DOP1A: variants seen among roughly 807,000 people sequenced by gnomAD.
DOP1A encodes the protein DOP1 leucine zipper like protein A.
DOP1A carries 90 observed loss-of-function variants against 267.6 expected under a neutral mutation model. That is an observed-to-expected ratio of 0.34 (90% CI 0.28 to 0.40). The LOEUF (loss-of-function observed/expected upper bound fraction) is 0.40. Ranked by LOEUF, DOP1A falls within the 10% of genes least tolerant of loss-of-function variation. The probability of loss-of-function intolerance (pLI) is 1.00; values close to 1 mark genes in which losing one functional copy is unlikely to be tolerated. For missense variants in DOP1A, 2,437 were observed against 2,900.4 expected (o/e 0.84, Z 3.67); for synonymous variants, 932 against 999.1 (o/e 0.93, Z 1.27).
At chr6:83,148,035 T>C (rs779160003) in intron 26 of DOP1A, among the ~76,000 whole-genome samples, 1 of 152,154 alleles carries the variant, frequency 6.6e-6, no homozygotes, top group Non-Finnish European at 1.5e-5. Context: ...GTGGTATCAG[T>C]AGTTAAACTG....
chr6:83,130,468 T>G, intron 17 of DOP1A, 71 bp downstream of exon 17: 1 of 1,519,586 alleles, frequency 6.6e-7, no homozygotes, highest in Non-Finnish European at 8.8e-7. Context: ...TAGTTTGCTT[T>G]AAGAATTATT....
At chr6:83,165,902 C>G (rs1403272452) in intron 38 of DOP1A, 2 of 405,918 alleles carry the variant, frequency 4.9e-6, no homozygotes, top group East Asian at 1.5e-4. Flanking sequence ...AATGGTTTCA[C>G]CTGGATTCAG....
At chr6:83,101,820 A>G (rs1772636319) in intron 4 of DOP1A, among the ~76,000 whole-genome samples, 1 of 152,262 alleles carries the variant, frequency 6.6e-6, no homozygotes, top group Admixed American at 6.5e-5. Flanking sequence ...CAATTACTGT[A>G]GATAAACAAA....
At chr6:83,166,543 G>T (rs1415289451) in intron 38 of DOP1A, 14 of 636,948 alleles carry the variant, frequency 2.2e-5, no homozygotes, top group Non-Finnish European at 3.1e-5. Flanking sequence ...AATATAAACA[G>T]CAATAAGTCA....
chr6:83,155,761 A>G (rs1782664095), intron 33 of DOP1A, among the ~76,000 whole-genome samples, 190 bp from the exon 34 acceptor site: 1 of 152,204 alleles, frequency 6.6e-6, no homozygotes, highest in Non-Finnish European at 1.5e-5. Flanking sequence ...AATTCCTACC[A>G]TTTTGGTCCT....
chr6:83,072,232 G>A (rs928614505), intron 1 of DOP1A, among the ~76,000 whole-genome samples: 9 of 151,922 alleles, frequency 5.9e-5, no homozygotes, highest in African/African-American at 2.2e-4. Context: ...CATATTATGA[G>A]CCTAACATTT....
At chr6:83,079,956 T>C (rs1350128929) in intron 1 of DOP1A, among the ~76,000 whole-genome samples, 2 of 152,178 alleles carry the variant, frequency 1.3e-5, no homozygotes, top group South Asian at 2.1e-4. Flanking sequence ...TTTTTATCAT[T>C]ATTCTCATGT....
At chr6:83,101,122 T>C (rs1446723807) in intron 4 of DOP1A, among the ~76,000 whole-genome samples, 1 of 152,066 alleles carries the variant, frequency 6.6e-6, no homozygotes, top group Non-Finnish European at 1.5e-5. Context: ...TTCACGCCAT[T>C]CTCCTGCCTC....
At chr6:83,170,095 A>C (rs1313690877), downstream of DOP1A, among the ~76,000 whole-genome samples, 1 of 152,224 alleles carries the variant, frequency 6.6e-6, no homozygotes, top group African/African-American at 2.4e-5. Flanking sequence ...TAAGTCAAAA[A>C]TATTTGGGGA....
intron 29 of DOP1A, 77 bp downstream of exon 29, chr6:83,152,104 A>G (rs756024937): frequency 1.3e-5 from 20 of 1,527,836 alleles, no homozygotes; most frequent in East Asian, 2.3e-5. Context: ...GCCTAGCACT[A>G]TAAGTACCAC....
rs377068226 is a variant in DOP1A at position 83,093,820 on chromosome 6, C to T, written c.-146-2911C>T. On this transcript the variant is annotated intron_variant, in intron 1 of 38. Coordinates refer to ENST00000349129, the MANE Select transcript of DOP1A (RefSeq NM_015018.4). The stretch of plus-strand genomic sequence containing the variant: ...GCTCGGGAGGCTGAAGCAGGAGAAT[C>T]GCTTGAGCCCAGGAGGCGGAGATTG... Among the ~76,000 whole-genome samples the T allele has an allele frequency of 8.5e-3, 1,298 of 152,282 alleles. 19 individuals are homozygous for T. Among genetic ancestry groups the T allele is most frequent in the African/African-American group, 0.03 (1,243 of 41,564 alleles).
intron 4 of DOP1A, among the ~76,000 whole-genome samples, chr6:83,104,891 TA>T (rs563606257): frequency 0.011 from 1,749 of 152,198 alleles, 40 homozygotes; most frequent in African/African-American, 0.04. Context: ...TTAGTCTTTT[TA>T]AAAACCAACT....
intron 3 of DOP1A, among the ~76,000 whole-genome samples, chr6:83,097,913 A>G (rs1413739812): frequency 6.7e-6 from 1 of 150,148 alleles, no homozygotes; most frequent in African/African-American, 2.5e-5. Context: ...ATTTTATTTT[A>G]TATGAGACAA....
intron 18 of DOP1A, 46 bp downstream of exon 18, chr6:83,132,374 C>T: frequency 6.6e-7 from 1 of 1,515,222 alleles, no homozygotes; most frequent in Non-Finnish European, 8.9e-7. Context: ...GCCACACACA[C>T]ACACACACAC....
chr6:83,097,025 C>T lies in DOP1A; in HGVS notation c.48C>T (p.Asn16=), dbSNP rs1771622624. The T allele has an allele frequency of 2.5e-6, 4 of 1,614,056 alleles. No homozygotes were observed. In the South Asian group the frequency reaches 4.4e-5, roughly 18 times the overall value. ...LELLSDSKYR[N]YVAAIDKALK... is the part of the protein sequence containing the mutation. ...TATTGAGTGACTCCAAATACAGAAA[C>T]TATGTAGCAGCAATTGACAAAGCAC... Residue 16 remains asparagine (N), a synonymous_variant, in exon 3 of 39, where the codon AAC becomes AAT. Transcript: ENST00000349129.
chr6:83,129,831 A>G (rs922040674), intron 16 of DOP1A, among the ~76,000 whole-genome samples: 58 of 152,162 alleles, frequency 3.8e-4, no homozygotes, highest in Non-Finnish European at 7.6e-4. Flanking sequence ...TGATTTTTAT[A>G]TATACACACA....
intron 1 of DOP1A, among the ~76,000 whole-genome samples, chr6:83,083,457 A>T (rs1768511431): frequency 6.6e-6 from 1 of 151,828 alleles, no homozygotes; most frequent in Non-Finnish European, 1.5e-5. Context: ...ATACTGATTA[A>T]GGGCCAATTC....
In DOP1A at chr6:83,129,485, T is replaced by TA. The variant is rs1777691404; in HGVS notation, c.2319dup (p.Arg774ThrfsTer3). On this transcript the variant is annotated frameshift_variant, in exon 16 of 39. Coordinates refer to ENST00000349129, the MANE Select transcript of DOP1A (RefSeq NM_015018.4). LOFTEE classifies it high-confidence loss of function. The stretch of plus-strand genomic sequence containing the variant: ...GCTGAGGGGAACCATACATCAGAGT[T>TA]ACGTTCTGAAAAATTGGAGACTGGT... 1.3e-6 allele frequency: 2 copies of TA among 1,535,530 alleles called. No homozygotes were observed. Among genetic ancestry groups the TA allele is most frequent in the Non-Finnish European group, 8.7e-7 (1 of 1,149,496 alleles).
chr6:83,121,187 T>C (rs1484445098), intron 10 of DOP1A, among the ~76,000 whole-genome samples: 2 of 151,808 alleles, frequency 1.3e-5, no homozygotes, highest in Admixed American at 6.6e-5. Flanking sequence ...TGTTCTCTCT[T>C]TATCCATTGT....
Sources: gnomAD v4.1 joint callset for allele counts (sites outside exome capture counted in the v4.1 genomes callset) on GRCh38, gnomAD v4.1.1 for gene constraint, MANE v1.5 for transcripts, NCBI Gene and HGNC (gene_info 2026-07-23, HGNC 2026-07-21) for gene names.